CTNND2: variants seen among roughly 807,000 people sequenced by gnomAD.
The protein encoded by CTNND2 is catenin delta 2.
Under a neutral mutation model 144.4 loss-of-function variants are expected in CTNND2, and 22 were observed. That is an observed-to-expected ratio of 0.15 (90% CI 0.11 to 0.22). The LOEUF (loss-of-function observed/expected upper bound fraction) is 0.22, where lower values mean the gene tolerates loss of function less well. Ranked by LOEUF, CTNND2 falls within the 10% of genes least tolerant of loss-of-function variation. CTNND2 has a pLI of 1.00. For synonymous variants in CTNND2, 751 were observed against 695.6 expected (o/e 1.08, Z -1.25); for missense variants, 1,353 against 1,618.8 (o/e 0.84, Z 2.82).
chr5:11,173,816 T>C (rs993507344), intron 11 of CTNND2, among the ~76,000 whole-genome samples: 4 of 152,220 alleles, frequency 2.6e-5, no homozygotes, highest in African/African-American at 9.6e-5. Context: ...GTTTAGTGCA[T>C]TCACAGCGAT....
chr5:11,447,004 C>T (rs1764869875), intron 3 of CTNND2, among the ~76,000 whole-genome samples: 1 of 152,076 alleles, frequency 6.6e-6, no homozygotes. Flanking sequence ...CTAACATACA[C>T]ACACACACAC....
intron 12 of CTNND2, 57 bp downstream of exon 12, chr5:11,159,519 G>T: frequency 2.1e-6 from 3 of 1,399,504 alleles, no homozygotes; most frequent in South Asian, 1.4e-5. Flanking sequence ...TATGGAAAGA[G>T]ACAGTGTCTG....
At chr5:11,793,968 T>C (rs1297567316) in intron 1 of CTNND2, among the ~76,000 whole-genome samples, 1 of 152,264 alleles carries the variant, frequency 6.6e-6, no homozygotes, top group Non-Finnish European at 1.5e-5. Context: ...CATATACTTA[T>C]TTTGAATTTA....
At chr5:11,231,148 C>T (rs1383540630) in intron 10 of CTNND2, among the ~76,000 whole-genome samples, 2 of 152,114 alleles carry the variant, frequency 1.3e-5, no homozygotes, top group East Asian at 3.9e-4. Context: ...CTCCTGCCCC[C>T]GTGAAAAGGT....
chr5:11,035,855 G>A (rs202136738), intron 16 of CTNND2, among the ~76,000 whole-genome samples: 8 of 148,316 alleles, frequency 5.4e-5, no homozygotes, highest in South Asian at 2.1e-4. Context: ...TAATGAACTT[G>A]AAAAAAAAAA....
chr5:11,705,539 T>C lies in CTNND2; in HGVS notation c.174+26597A>G, dbSNP rs192567136. ...GACATCTGAAAATGTAAATAGTATATATCTGAGTAGTGAGAGAGGGGTTAA... is the reference window on the plus strand; with the variant it reads ...GACATCTGAAAATGTAAATAGTATACATCTGAGTAGTGAGAGAGGGGTTAA... On this transcript the variant is annotated intron_variant, in intron 2 of 21. Transcript: ENST00000304623. 8.7e-4 allele frequency among the ~76,000 whole-genome samples: 132 copies of C among 152,300 alleles called. 2 individuals are homozygous for C. Among genetic ancestry groups the C allele is most frequent in the Non-Finnish European group, 1.2e-3 (82 of 68,032 alleles).
At chr5:11,789,006 A>G (rs1422971655) in intron 1 of CTNND2, among the ~76,000 whole-genome samples, 1 of 152,134 alleles carries the variant, frequency 6.6e-6, no homozygotes, top group African/African-American at 2.4e-5. Flanking sequence ...ATGCATATCA[A>G]AACCACAATG....
intron 3 of CTNND2, among the ~76,000 whole-genome samples, chr5:11,529,867 T>C (rs138373365): frequency 1.1e-4 from 16 of 152,234 alleles, no homozygotes; most frequent in African/African-American, 3.9e-4. Flanking sequence ...CACTTGGGTA[T>C]CTAAAACAGA....
At chr5:11,708,232 TTAAA>T (rs1477174610) in intron 2 of CTNND2, among the ~76,000 whole-genome samples, 1 of 140,192 alleles carries the variant, frequency 7.1e-6, no homozygotes, top group African/African-American at 3.3e-5. Context: ...TTTTTTAAAC[TTAAA>T]TAGATTTATC....
intron 10 of CTNND2, among the ~76,000 whole-genome samples, chr5:11,229,004 T>G (rs978428909): frequency 2.6e-5 from 4 of 152,232 alleles, no homozygotes; most frequent in African/African-American, 9.6e-5. Flanking sequence ...AATTCTTACC[T>G]TGGGCCTGTG....
At chr5:11,626,230 T>C (rs756299001) in intron 2 of CTNND2, among the ~76,000 whole-genome samples, 2 of 152,200 alleles carry the variant, frequency 1.3e-5, no homozygotes, top group Non-Finnish European at 2.9e-5. Context: ...TGCCAACTTG[T>C]CTACCTTCCC....
intron 8 of CTNND2, among the ~76,000 whole-genome samples, chr5:11,348,553 G>C (rs1161773838): frequency 1.3e-5 from 2 of 151,864 alleles, no homozygotes; most frequent in East Asian, 3.9e-4. Context: ...GCTGAAAATG[G>C]TTTTCAGGAA....
chr5:11,510,472 C>G (rs1042532968), intron 3 of CTNND2, among the ~76,000 whole-genome samples: 2 of 152,124 alleles, frequency 1.3e-5, no homozygotes, highest in Non-Finnish European at 2.9e-5. Context: ...CTTCTGACAA[C>G]GTTTACCTTG....
At chr5:11,756,773 A>ATAT (rs67928816) in intron 1 of CTNND2, among the ~76,000 whole-genome samples, 2 of 151,250 alleles carry the variant, frequency 1.3e-5, no homozygotes, top group Non-Finnish European at 3.0e-5. Flanking sequence ...TGAATTTATC[A>ATAT]TGTTTAAATC....
chr5:11,108,896 A>T (rs1243336607), intron 14 of CTNND2, among the ~76,000 whole-genome samples: 2 of 152,212 alleles, frequency 1.3e-5, no homozygotes, highest in Non-Finnish European at 2.9e-5. Flanking sequence ...AAACCAAAAA[A>T]TGCTGATTGC....
At chr5:11,592,887 T>C (rs772366627) in intron 2 of CTNND2, among the ~76,000 whole-genome samples, 4 of 148,824 alleles carry the variant, frequency 2.7e-5, no homozygotes, top group Admixed American at 2.0e-4. Context: ...GTCATAAAGA[T>C]TGTGTGGTAT....
intron 9 of CTNND2, among the ~76,000 whole-genome samples, chr5:11,330,651 C>T (rs1753039783): frequency 6.6e-6 from 1 of 151,500 alleles, no homozygotes; most frequent in South Asian, 2.1e-4. Flanking sequence ...TGATGAACCC[C>T]CACCCCCTGT....
At chr5:11,625,147 T>A (rs1021373676) in intron 2 of CTNND2, among the ~76,000 whole-genome samples, 2 of 152,138 alleles carry the variant, frequency 1.3e-5, no homozygotes, top group Non-Finnish European at 2.9e-5. Flanking sequence ...ATGAAATTGC[T>A]ATGAATCAGT....
At chr5:11,166,736 C>T (rs1167978454) in intron 11 of CTNND2, among the ~76,000 whole-genome samples, 1 of 152,054 alleles carries the variant, frequency 6.6e-6, no homozygotes, top group African/African-American at 2.4e-5. Flanking sequence ...TCCTGTTATA[C>T]TATTGTGTGT....
Sources: allele counts gnomAD v4.1 joint callset (sites outside exome capture counted in the v4.1 genomes callset), GRCh38; gene constraint gnomAD v4.1.1; transcripts MANE v1.5; gene names NCBI Gene and HGNC (gene_info 2026-07-23, HGNC 2026-07-21).